BAIAP2L1: variants seen among roughly 807,000 people sequenced by gnomAD.
The protein encoded by BAIAP2L1 is BAR/IMD domain-containing adapter protein 2-like 1.
In BAIAP2L1, 35 loss-of-function variants were observed where a neutral mutation model predicts 66.3. The ratio of observed to expected loss-of-function variants is 0.53; its 90% CI spans 0.40 to 0.70. The LOEUF (loss-of-function observed/expected upper bound fraction) is 0.70, where lower values mean the gene tolerates loss of function less well. Ranked by LOEUF, BAIAP2L1 falls within the 30% of genes least tolerant of loss-of-function variation. The probability of loss-of-function intolerance (pLI) is 0.00; values close to 1 mark genes in which losing one functional copy is unlikely to be tolerated. For missense variants in BAIAP2L1, 622 were observed against 656.9 expected (o/e 0.95, Z 0.58); for synonymous variants, 269 against 248.7 (o/e 1.08, Z -0.77).
At position 98,368,947 on chromosome 7, in the gene BAIAP2L1, A is replaced by G. The variant is rs185299322; in HGVS notation, c.52-6515T>C. Reference sequence around the variant, plus strand: ...TATGAGCGATCGCATACAGGTTTTTATGTGAGCTTACGTTTTCGTATCTCT... The same window carrying G: ...TATGAGCGATCGCATACAGGTTTTTGTGTGAGCTTACGTTTTCGTATCTCT... On this transcript the variant is annotated intron_variant, in intron 1 of 13. Coordinates refer to ENST00000005260, the MANE Select transcript of BAIAP2L1 (RefSeq NM_018842.5). Among the ~76,000 whole-genome samples the G allele has an allele frequency of 7.3e-5, 11 of 151,356 alleles. No homozygotes were observed. The East Asian group carries it at 1.6e-3, about 21-fold the overall frequency.
chr7:98,336,275 C>A (rs1801614638), intron 3 of BAIAP2L1, among the ~76,000 whole-genome samples: 1 of 152,192 alleles, frequency 6.6e-6, no homozygotes, highest in Admixed American at 6.5e-5. Flanking sequence ...CAAACCCACA[C>A]ATGCACCCCC....
chr7:98,389,487 T>A (rs1434517470), intron 1 of BAIAP2L1, among the ~76,000 whole-genome samples: 1 of 151,844 alleles, frequency 6.6e-6, no homozygotes, highest in Non-Finnish European at 1.5e-5. Flanking sequence ...CCCGGCTGAT[T>A]TTTTTGTATT....
At chr7:98,320,931 A>G (rs1223228416) in intron 3 of BAIAP2L1, among the ~76,000 whole-genome samples, 1 of 152,210 alleles carries the variant, frequency 6.6e-6, no homozygotes, top group Non-Finnish European at 1.5e-5. Context: ...ACCTTGGCTC[A>G]CTGCAGCCTC....
At chr7:98,329,468 C>T (rs1361139035) in intron 3 of BAIAP2L1, among the ~76,000 whole-genome samples, 4 of 152,086 alleles carry the variant, frequency 2.6e-5, no homozygotes, top group South Asian at 2.1e-4. Flanking sequence ...ATGAGTTTTA[C>T]GTCTAGGAGT....
chr7:98,358,868 C>T (rs746172620), intron 2 of BAIAP2L1, among the ~76,000 whole-genome samples: 3 of 152,164 alleles, frequency 2.0e-5, no homozygotes, highest in Non-Finnish European at 2.9e-5. Context: ...TCACACCTCC[C>T]GGAATTCCCA....
chr7:98,377,550 G>A (rs2115788902), intron 1 of BAIAP2L1, among the ~76,000 whole-genome samples: 1 of 152,274 alleles, frequency 6.6e-6, no homozygotes, highest in Admixed American at 6.5e-5. Context: ...CAGGCCCGGT[G>A]GCTCACGCCT....
chr7:98,391,534 C>T (rs538621027), intron 1 of BAIAP2L1, among the ~76,000 whole-genome samples: 1 of 151,486 alleles, frequency 6.6e-6, no homozygotes, highest in Non-Finnish European at 1.5e-5. Flanking sequence ...AGAGGGAAAC[C>T]CTGACTCTAC....
chr7:98,304,696 C>T lies in BAIAP2L1; in HGVS notation c.1242-320G>A, dbSNP rs1047605063. Among the ~76,000 whole-genome samples, 6 of 151,644 alleles carry T rather than the reference C, an allele frequency of 4.0e-5. No homozygotes were observed. In the East Asian group the frequency reaches 5.9e-4, roughly 15 times the overall value. On this transcript the variant is annotated intron_variant, in intron 11 of 13. Coordinates refer to ENST00000005260, the MANE Select transcript of BAIAP2L1 (RefSeq NM_018842.5). ...CTGAGTAGCTGGGATTACAGGTGCA[C>T]GCCAGTGTGCCCAGCTAATTTTTTG... is the stretch of plus-strand genomic sequence containing the variant.
intron 1 of BAIAP2L1, among the ~76,000 whole-genome samples, chr7:98,394,262 A>AAACAAAC (rs1562796522): frequency 4.1e-5 from 2 of 48,520 alleles, no homozygotes; most frequent in Non-Finnish European, 9.4e-5. Context: ...AACAAACAAA[A>AAACAAAC]AAACCCACAC....
At chr7:98,379,078 G>A (rs1028841385) in intron 1 of BAIAP2L1, among the ~76,000 whole-genome samples, 2 of 152,002 alleles carry the variant, frequency 1.3e-5, no homozygotes, top group African/African-American at 2.4e-5. Flanking sequence ...ATCTGACCTC[G>A]TGGTTGGCCA....
chr7:98,293,602 G>A lies in BAIAP2L1; in HGVS notation c.1461-6C>T. Reference sequence around the variant, plus strand: ...TGGCAAAGGGGTTTTCTCCGCTGCAGGGGATAAGAAAAATCTTTCAGAACT... The same window carrying A: ...TGGCAAAGGGGTTTTCTCCGCTGCAAGGGATAAGAAAAATCTTTCAGAACT... On this transcript the variant is annotated splice_polypyrimidine_tract_variant and splice_region_variant and intron_variant, in intron 13 of 13. Transcript: ENST00000005260. 6.2e-7 allele frequency: 1 copy of A among 1,612,424 alleles called. No homozygotes were observed. Among genetic ancestry groups the A allele is most frequent in the South Asian group, 1.1e-5 (1 of 91,062 alleles).
At chr7:98,367,862 G>A (rs1268112767) in intron 1 of BAIAP2L1, among the ~76,000 whole-genome samples, 2 of 151,790 alleles carry the variant, frequency 1.3e-5, no homozygotes, top group Non-Finnish European at 2.9e-5. Context: ...GACCTCAGAT[G>A]GTCCACCTGC....
chr7:98,376,117 C>A (rs945870076), intron 1 of BAIAP2L1, among the ~76,000 whole-genome samples: 2 of 152,174 alleles, frequency 1.3e-5, no homozygotes, highest in African/African-American at 4.8e-5. Flanking sequence ...TTGGTCTGTA[C>A]TGACCAAGGT....
chr7:98,370,494 T>C (rs899816761), intron 1 of BAIAP2L1, among the ~76,000 whole-genome samples: 3 of 151,976 alleles, frequency 2.0e-5, no homozygotes, highest in African/African-American at 7.2e-5. Context: ...ACAGAAATGT[T>C]CCCTCCCAGA....
At chr7:98,362,821 T>C (rs912177322) in intron 1 of BAIAP2L1, among the ~76,000 whole-genome samples, 2 of 152,154 alleles carry the variant, frequency 1.3e-5, no homozygotes, top group African/African-American at 4.8e-5. Flanking sequence ...CAGCTACCTG[T>C]ACTTACTTAC....
Position 98,307,736 on chromosome 7 carries a change from G to A in BAIAP2L1, c.1116C>T (p.Pro372=), listed in dbSNP as rs750572377. 2.0e-5 allele frequency: 32 copies of A among 1,614,182 alleles called. No individual in the cohort carries two copies. Among genetic ancestry groups the A allele is most frequent in the East Asian group, 1.8e-4 (8 of 44,880 alleles). The change falls in exon 10 of 14, where the codon CCC becomes CCT. Residue 372 remains proline, a synonymous_variant. Transcript: ENST00000005260. The part of the protein sequence containing the change: ...AQGDVITLLI[P]EEKDGWLYGE... Reference sequence around the variant, plus strand: ...CATAGAGCCAGCCATCCTTCTCCTCGGGGATGAGCAGCGTGATGACATCTC... The same window carrying A: ...CATAGAGCCAGCCATCCTTCTCCTCAGGGATGAGCAGCGTGATGACATCTC...
At chr7:98,329,449 C>A (rs1036572631) in intron 3 of BAIAP2L1, among the ~76,000 whole-genome samples, 1 of 152,102 alleles carries the variant, frequency 6.6e-6, no homozygotes, top group Non-Finnish European at 1.5e-5. Flanking sequence ...GGGCGGTCCC[C>A]ACACTTTCAT....
At chr7:98,316,673 G>A (rs912592332) in intron 6 of BAIAP2L1, among the ~76,000 whole-genome samples, 9 of 151,970 alleles carry the variant, frequency 5.9e-5, no homozygotes, top group African/African-American at 1.9e-4. Flanking sequence ...ATAATGCATC[G>A]CTGTTAACTA....
At chr7:98,304,068 C>T in intron 12 of BAIAP2L1, 128 bp downstream of exon 12, 2 of 1,005,118 alleles carry the variant, frequency 2.0e-6, no homozygotes, top group Non-Finnish European at 2.7e-6. Flanking sequence ...CCCCTCCTCC[C>T]TCCTCCCCGG....
Sources: gnomAD v4.1 joint callset for allele counts (sites outside exome capture counted in the v4.1 genomes callset) on GRCh38, gnomAD v4.1.1 for gene constraint, MANE v1.5 for transcripts, NCBI Gene and HGNC (gene_info 2026-07-23, HGNC 2026-07-21) for gene names.